The following CACNA2D3 variants were observed in gnomAD, a reference collection of about 807,000 sequenced individuals.
The protein encoded by CACNA2D3 is calcium voltage-gated channel auxiliary subunit alpha2delta 3, also known as voltage-dependent calcium channel subunit alpha-2/delta-3.
Under a neutral mutation model 160.6 loss-of-function variants are expected in CACNA2D3, and 60 were observed. The ratio of observed to expected loss-of-function variants is 0.37; its 90% CI spans 0.30 to 0.46. CACNA2D3 has a LOEUF of 0.46. Among genes scored for constraint, CACNA2D3 ranks in the 20% least tolerant of loss-of-function variants. The pLI, the probability that CACNA2D3 is intolerant of heterozygous loss-of-function variation, is 1.00. For missense variants in CACNA2D3, 1,205 were observed against 1,365.0 expected (o/e 0.88, Z 1.85); for synonymous variants, 558 against 492.9 (o/e 1.13, Z -1.75).
At chr3:54,329,400 C>T (rs758657266) in intron 3 of CACNA2D3, among the ~76,000 whole-genome samples, 1 of 152,144 alleles carries the variant, frequency 6.6e-6, no homozygotes, top group Non-Finnish European at 1.5e-5. Flanking sequence ...GGCTACACCC[C>T]TTCCCTTTGG....
intron 17 of CACNA2D3, among the ~76,000 whole-genome samples, chr3:54,858,807 T>C (rs1699224548): frequency 1.3e-5 from 2 of 152,200 alleles, no homozygotes; most frequent in South Asian, 4.1e-4. Context: ...TGGTCCCAAC[T>C]GGGTAGATGC....
intron 27 of CACNA2D3, chr3:54,918,217 A>G: frequency 2.2e-6 from 1 of 451,642 alleles, no homozygotes; most frequent in South Asian, 3.1e-5. Context: ...AATCGTCGTA[A>G]TAACTTCCCA....
chr3:54,428,140 C>T (rs767039251), intron 4 of CACNA2D3, among the ~76,000 whole-genome samples: 82 of 152,196 alleles, frequency 5.4e-4, no homozygotes, highest in Non-Finnish European at 1.0e-3. Context: ...TGTTTGTTTA[C>T]CATGCAGCCC....
chr3:54,506,782 A>G (rs1183578071), intron 5 of CACNA2D3, among the ~76,000 whole-genome samples: 2 of 152,212 alleles, frequency 1.3e-5, no homozygotes, highest in East Asian at 1.9e-4. Context: ...GAGTCTTACT[A>G]TTTCGGAGAC....
intron 35 of CACNA2D3, among the ~76,000 whole-genome samples, chr3:55,031,556 T>A (rs2107176964): frequency 6.6e-6 from 1 of 152,340 alleles, no homozygotes; most frequent in South Asian, 2.1e-4. Flanking sequence ...CGTTTTTTAA[T>A]GATCAGCTTT....
At chr3:54,366,991 T>C (rs1027440255) in intron 3 of CACNA2D3, among the ~76,000 whole-genome samples, 5 of 152,206 alleles carry the variant, frequency 3.3e-5, no homozygotes, top group African/African-American at 9.6e-5. Context: ...CAAACACATT[T>C]TGCACATAAA....
chr3:54,546,019 A>G (rs181941334), intron 5 of CACNA2D3, among the ~76,000 whole-genome samples: 16 of 152,332 alleles, frequency 1.1e-4, no homozygotes, highest in African/African-American at 3.6e-4. Context: ...CCATGCAGTC[A>G]GAAGACATCT....
intron 27 of CACNA2D3, among the ~76,000 whole-genome samples, chr3:54,903,959 C>T (rs543323759): frequency 4.6e-5 from 7 of 152,252 alleles, no homozygotes; most frequent in Non-Finnish European, 8.8e-5. Context: ...GGACATTAGA[C>T]TTTTATCAGA....
intron 11 of CACNA2D3, among the ~76,000 whole-genome samples, chr3:54,646,383 G>A (rs1699651192): frequency 6.8e-6 from 1 of 147,934 alleles, no homozygotes; most frequent in Non-Finnish European, 1.5e-5. Context: ...GCATCCATTA[G>A]CTATTCTTCC....
chr3:54,968,606 G>A (rs771494026), intron 28 of CACNA2D3, 95 bp downstream of exon 28: 7 of 848,708 alleles, frequency 8.2e-6, no homozygotes, highest in African/African-American at 6.7e-5. Context: ...CCAGATTTCC[G>A]ATGAATGTTT....
chr3:55,025,186 G>C (rs1163700802), intron 35 of CACNA2D3, among the ~76,000 whole-genome samples: 1 of 152,086 alleles, frequency 6.6e-6, no homozygotes, highest in Non-Finnish European at 1.5e-5. Flanking sequence ...AGAAAATAAA[G>C]AAAGAAATGC....
intron 35 of CACNA2D3, among the ~76,000 whole-genome samples, chr3:55,033,023 A>C (rs536507530): frequency 6.0e-4 from 91 of 152,188 alleles, no homozygotes; most frequent in African/African-American, 2.1e-3. Context: ...TTTAAAAACA[A>C]GTATCTGTTT....
intron 24 of CACNA2D3, among the ~76,000 whole-genome samples, chr3:54,890,365 A>G (rs1008785314): frequency 1.5e-4 from 23 of 151,826 alleles, no homozygotes; most frequent in Admixed American, 2.6e-4. Context: ...GCGTGGTGGT[A>G]GGCGCCTGTA....
At chr3:54,925,859 C>T (rs1201267058) in intron 27 of CACNA2D3, among the ~76,000 whole-genome samples, 3 of 152,278 alleles carry the variant, frequency 2.0e-5, no homozygotes, top group Non-Finnish European at 2.9e-5. Flanking sequence ...AGCGCTGCTA[C>T]GTATTGATAT....
chr3:54,953,908 T>C (rs896874214), intron 27 of CACNA2D3, among the ~76,000 whole-genome samples: 4 of 152,202 alleles, frequency 2.6e-5, no homozygotes, highest in African/African-American at 9.6e-5. Context: ...TCACCCCGTT[T>C]TGCTAAGTGC....
chr3:54,684,317 A>G (rs1332313079), intron 11 of CACNA2D3, among the ~76,000 whole-genome samples: 1 of 152,120 alleles, frequency 6.6e-6, no homozygotes, highest in Non-Finnish European at 1.5e-5. Context: ...ACCTAACCCA[A>G]TACATCCTCA....
intron 4 of CACNA2D3, among the ~76,000 whole-genome samples, chr3:54,403,398 C>T (rs1026547387): frequency 2.0e-5 from 3 of 146,590 alleles, no homozygotes; most frequent in Non-Finnish European, 3.0e-5. Context: ...CACACACACA[C>T]GCACACACAA....
intron 6 of CACNA2D3, among the ~76,000 whole-genome samples, chr3:54,569,209 G>A (rs1448601073): frequency 1.3e-5 from 2 of 152,212 alleles, no homozygotes; most frequent in African/African-American, 2.4e-5. Context: ...CCAGGCTTCA[G>A]GAGCTGAAAT....
At chr3:54,703,263 AT>A (rs1226581387) in intron 11 of CACNA2D3, among the ~76,000 whole-genome samples, 17 of 152,186 alleles carry the variant, frequency 1.1e-4, no homozygotes, top group African/African-American at 3.9e-4. Context: ...GGATAAAAAA[AT>A]AAATAAAAGT....
Sources: allele counts gnomAD v4.1 joint callset (sites outside exome capture counted in the v4.1 genomes callset), GRCh38; gene constraint gnomAD v4.1.1; transcripts MANE v1.5; gene names NCBI Gene and HGNC (gene_info 2026-07-23, HGNC 2026-07-21).